The following TGS1 variants were observed in gnomAD, a reference collection of about 807,000 sequenced individuals.
TGS1 encodes trimethylguanosine synthase 1, also known as trimethylguanosine synthase.
A neutral mutation model predicts 92.2 loss-of-function variants in TGS1; 69 were observed. The ratio of observed to expected loss-of-function variants is 0.75; its 90% CI spans 0.62 to 0.91. TGS1 has a LOEUF of 0.91. Ranked by LOEUF, TGS1 falls within the 40% of genes least tolerant of loss-of-function variation. The pLI, the probability that TGS1 is intolerant of heterozygous loss-of-function variation, is 0.00. For missense variants in TGS1, 1,062 were observed against 1,001.2 expected (o/e 1.06, Z -0.82); for synonymous variants, 345 against 338.1 (o/e 1.02, Z -0.22).
At chr8:55,807,023 A>G (rs917076913) in intron 10 of TGS1, among the ~76,000 whole-genome samples, 1 of 150,770 alleles carries the variant, frequency 6.6e-6, no homozygotes, top group Admixed American at 6.6e-5. Flanking sequence ...CCGCCTCCCG[A>G]GTGCATGCCA....
Position 55,786,560 on chromosome 8 carries a change from A to C in TGS1, c.662A>C (p.Gln221Pro), listed in dbSNP as rs139894414. ...WQSWQEKHPG[Q>P]ALSSEPWNFP... is the part of the protein sequence containing the mutation. Reference sequence around the variant, plus strand: ...AGTTGGCAAGAAAAACATCCGGGTCAAGCACTATCTTCTGAACCTTGGAAC... The same window carrying C: ...AGTTGGCAAGAAAAACATCCGGGTCCAGCACTATCTTCTGAACCTTGGAAC... Residue 221 changes from glutamine (Q) to proline (P), a missense_variant, in exon 4 of 13, where the codon CAA becomes CCA. Coordinates refer to ENST00000260129, the MANE Select transcript of TGS1 (RefSeq NM_024831.8). 263 of 1,614,078 alleles carry C rather than the reference A, an allele frequency of 1.6e-4. No homozygotes were observed. Among genetic ancestry groups the C allele is most frequent in the Middle Eastern group, 1.6e-4 (1 of 6,084 alleles).
At chr8:55,810,173 G>T (rs1299418732) in intron 10 of TGS1, among the ~76,000 whole-genome samples, 2 of 152,176 alleles carry the variant, frequency 1.3e-5, no homozygotes, top group African/African-American at 4.8e-5. Context: ...TTCAAATGAA[G>T]AATACTGCCA....
rs559065707 is a variant in TGS1, at chr8:55,818,972, C to T, written c.2440-5609C>T. ...GTTTTTTTCTTCTTTGGAGACAGAG[C>T]CTCGCTCTGTCCACAAGGCTGCAGT... On this transcript the variant is annotated intron_variant, in intron 12 of 12. Transcript: ENST00000260129. Among the ~76,000 whole-genome samples, 5 of 152,188 alleles carry T rather than the reference C, an allele frequency of 3.3e-5. No individual in the cohort carries two copies. In the East Asian group the frequency reaches 9.7e-4, roughly 29 times the overall value.
intron 4 of TGS1, 178 bp from the exon 5 acceptor site, chr8:55,790,004 T>A: frequency 1.8e-6 from 1 of 546,744 alleles, no homozygotes; most frequent in Non-Finnish European, 3.3e-6. Context: ...TAGTTAAGAT[T>A]TTTAAAATGC....
chr8:55,817,049 G>T (rs144807921), intron 12 of TGS1, among the ~76,000 whole-genome samples: 3,455 of 152,060 alleles, frequency 0.023, 136 homozygotes, highest in African/African-American at 0.08. Flanking sequence ...ATTTTTAGTA[G>T]AGACAGGGTT....
intron 4 of TGS1, among the ~76,000 whole-genome samples, chr8:55,787,918 G>A (rs1348558991): frequency 6.6e-6 from 1 of 152,152 alleles, no homozygotes; most frequent in East Asian, 1.9e-4. Context: ...GAGGTCCCAG[G>A]CTCTTGTTAG....
At chr8:55,818,650 T>C (rs1017798725) in intron 12 of TGS1, among the ~76,000 whole-genome samples, 2 of 152,278 alleles carry the variant, frequency 1.3e-5, no homozygotes, top group Non-Finnish European at 2.9e-5. Context: ...GTGGAACTGA[T>C]TGGCCTCATA....
Position 55,802,617 on chromosome 8 carries a change from T to C in TGS1, c.1999+11T>C. 1 of 1,586,800 alleles carries C rather than the reference T, an allele frequency of 6.3e-7. No homozygotes were observed. The highest frequency in any genetic ancestry group is 8.5e-7 in the Non-Finnish European group (1 of 1,170,620). ...TTAAGTTGGACAGAGGTAAAGTATA[T>C]ATGTATTTTTTAGCTTTATTTTGAA... On this transcript the variant is annotated intron_variant, in intron 9 of 12. Transcript: ENST00000260129.
At chr8:55,813,286 C>T (rs982460397) in intron 12 of TGS1, among the ~76,000 whole-genome samples, 168 bp downstream of exon 12, 2 of 152,218 alleles carry the variant, frequency 1.3e-5, no homozygotes, top group African/African-American at 4.8e-5. Flanking sequence ...ATGTCTATTA[C>T]ATCGTCTTCA....
chr8:55,816,216 A>T (rs1380171305), intron 12 of TGS1, among the ~76,000 whole-genome samples: 1 of 152,082 alleles, frequency 6.6e-6, no homozygotes, highest in East Asian at 1.9e-4. Context: ...CTAGCTTTGG[A>T]TCTACCATGC....
At chr8:55,816,182 A>G (rs753306692) in intron 12 of TGS1, among the ~76,000 whole-genome samples, 10 of 152,116 alleles carry the variant, frequency 6.6e-5, no homozygotes, top group South Asian at 2.1e-4. Flanking sequence ...CTTTCCTTGG[A>G]CAGCCAGAGA....
rs765479232 is a variant in TGS1 at position 55,786,597 on chromosome 8, A to G, written c.699A>G (p.Thr233=). ...LSSEPWNFPD[T]KEEWEQHYSQ... is the part of the protein sequence containing the mutation. ...CTGAACCTTGGAACTTTCCTGATAC[A>G]AAGGAAGAATGGGAGCAACATTATA... The change falls in exon 4 of 13, where the codon ACA becomes ACG. Residue 233 remains threonine (T), a synonymous_variant. Coordinates refer to ENST00000260129, the MANE Select transcript of TGS1 (RefSeq NM_024831.8). 1 of 1,614,064 alleles carries G rather than the reference A, an allele frequency of 6.2e-7. No individual in the cohort carries two copies. Among genetic ancestry groups the G allele is most frequent in the African/African-American group, 1.3e-5 (1 of 74,926 alleles).
intron 4 of TGS1, among the ~76,000 whole-genome samples, chr8:55,787,951 A>G (rs1811769188): frequency 6.6e-6 from 1 of 152,210 alleles, no homozygotes; most frequent in South Asian, 2.1e-4. Context: ...GCAGTAACTC[A>G]TTACCATGGG....
intron 10 of TGS1, among the ~76,000 whole-genome samples, chr8:55,805,928 G>T (rs1251876405): frequency 3.3e-5 from 5 of 150,110 alleles, no homozygotes; most frequent in Non-Finnish European, 7.4e-5. Flanking sequence ...CAGGCGTGGT[G>T]GTGTGTGCCT....
chr8:55,812,538 A>G (rs1803366877), intron 11 of TGS1, among the ~76,000 whole-genome samples: 1 of 149,380 alleles, frequency 6.7e-6, no homozygotes, highest in Non-Finnish European at 1.5e-5. Flanking sequence ...TTAGCTGGGC[A>G]TGTGGTGGTA....
At chr8:55,787,205 T>C in intron 4 of TGS1, 145 bp downstream of exon 4, 1 of 620,622 alleles carries the variant, frequency 1.6e-6, no homozygotes, top group Non-Finnish European at 2.7e-6. Flanking sequence ...CCATCCTGTT[T>C]TCATATCACA....
chr8:55,807,508 T>G lies in TGS1; in HGVS notation c.2143+2472T>G, dbSNP rs1189805241. Among the ~76,000 whole-genome samples the G allele has an allele frequency of 2.7e-5, 4 of 148,390 alleles. No homozygotes were observed. In the East Asian group the frequency reaches 5.9e-4, roughly 22 times the overall value. ...TATAGCTGGGTCATAAAGCAGGGGT[T>G]TTTTTTTTTTTGCTTTTTTCTTGTT... On this transcript the variant is annotated intron_variant, in intron 10 of 12. Transcript: ENST00000260129.
At chr8:55,803,466 C>G (rs974566373) in intron 9 of TGS1, among the ~76,000 whole-genome samples, 6 of 151,972 alleles carry the variant, frequency 3.9e-5, no homozygotes, top group African/African-American at 1.4e-4. Flanking sequence ...GTTCTCTGAC[C>G]CTTTTAAAAC....
Position 55,818,053 on chromosome 8 carries a change from A to G in TGS1, c.2439+4935A>G, listed in dbSNP as rs1387766912. On this transcript the variant is annotated intron_variant, in intron 12 of 12. Coordinates refer to ENST00000260129, the MANE Select transcript of TGS1 (RefSeq NM_024831.8). ...GATTTGCCTGGTCATTCTGCCACAC[A>G]GCGACAGTCTTATTACACCTTGCTG... 2.6e-5 allele frequency among the ~76,000 whole-genome samples: 4 copies of G among 152,222 alleles called. 1 individual carries two copies. The highest frequency in any genetic ancestry group is 4.8e-5 in the African/African-American group (2 of 41,460).
Sources: gnomAD v4.1 joint callset for allele counts (sites outside exome capture counted in the v4.1 genomes callset) on GRCh38, gnomAD v4.1.1 for gene constraint, MANE v1.5 for transcripts, NCBI Gene and HGNC (gene_info 2026-07-23, HGNC 2026-07-21) for gene names.